The following ZBTB38 variants were observed in gnomAD, a reference collection of about 807,000 sequenced individuals.
The protein encoded by ZBTB38 is zinc finger and BTB domain containing 38.
ZBTB38 carries 20 observed loss-of-function variants against 76.8 expected under a neutral mutation model. That is an observed-to-expected ratio of 0.26 (90% CI 0.18 to 0.38). The LOEUF is 0.38. ZBTB38 is among the 10% of genes least tolerant of loss of function. ZBTB38 has a pLI of 1.00. For missense variants in ZBTB38, 1,082 were observed against 1,482.3 expected (o/e 0.73, Z 4.43); for synonymous variants, 504 against 544.2 (o/e 0.93, Z 1.03).
chr3:141,432,094 G>C, intron 5 of ZBTB38: 1 of 985,446 alleles, frequency 1.0e-6, no homozygotes, highest in Non-Finnish European at 1.2e-6. Flanking sequence ...AGATGTGTGT[G>C]GGATGGTACA....
At chr3:141,329,858 G>A (rs1180457478) in intron 1 of ZBTB38, among the ~76,000 whole-genome samples, 1 of 152,060 alleles carries the variant, frequency 6.6e-6, no homozygotes, top group Non-Finnish European at 1.5e-5. Flanking sequence ...GTGAGGCACG[G>A]TGGCTCACGC....
intron 4 of ZBTB38, among the ~76,000 whole-genome samples, chr3:141,395,137 G>A (rs1488397679): frequency 1.3e-5 from 2 of 152,184 alleles, no homozygotes; most frequent in Non-Finnish European, 2.9e-5. Flanking sequence ...CGTGAATCAG[G>A]CAGCACGCTA....
At chr3:141,367,120 T>C (rs1943999214), upstream of ZBTB38, 1 of 152,382 alleles carries the variant, frequency 6.6e-6, no homozygotes, top group African/African-American at 2.4e-5. Context: ...GTTCCAACTC[T>C]TTCTGAGTCT....
At chr3:141,430,184 G>C (rs895699932) in intron 5 of ZBTB38, among the ~76,000 whole-genome samples, 1 of 152,136 alleles carries the variant, frequency 6.6e-6, no homozygotes, top group African/African-American at 2.4e-5. Flanking sequence ...TCCTGCCTCA[G>C]CCTCCCGAGT....
At position 141,445,536 on chromosome 3, in the gene ZBTB38, C is replaced by G; in HGVS notation, c.3148C>G (p.Gln1050Glu). 1 of 1,614,172 alleles carries G rather than the reference C, an allele frequency of 6.2e-7. No individual in the cohort carries two copies. The highest frequency in any genetic ancestry group is 8.5e-7 in the Non-Finnish European group (1 of 1,180,028). ...CKTCGRCFSV[Q>E]GNLQKHERIH... ...GACCTGCGGACGGTGCTTTTCGGTG[C>G]AAGGAAACTTACAGAAACATGAACG... The change falls in exon 6 of 6, where the codon CAA becomes GAA. Residue 1050 changes from glutamine to glutamate, a missense_variant. Around this residue, in one of 8 missense-constraint regions of ZBTB38, gnomAD observed 69 missense variants for 148.2 expected, o/e 0.47. Transcript: ENST00000321464. The surrounding 1 kb of genome is among the most constrained non-coding windows in gnomAD (Gnocchi z 6.5).
chr3:141,349,570 C>T (rs528542598), intron 1 of ZBTB38, among the ~76,000 whole-genome samples: 3 of 151,800 alleles, frequency 2.0e-5, no homozygotes, highest in African/African-American at 2.4e-5. Flanking sequence ...GAATACAACA[C>T]GATACAAAAA....
chr3:141,421,603 G>A (rs1559949836), intron 5 of ZBTB38, among the ~76,000 whole-genome samples: 1 of 152,176 alleles, frequency 6.6e-6, no homozygotes, highest in East Asian at 1.9e-4. Flanking sequence ...GTATGGCAAA[G>A]GCTACAGTTG....
intron 1 of ZBTB38, among the ~76,000 whole-genome samples, chr3:141,353,964 G>A (rs1342442043): frequency 6.6e-6 from 1 of 152,112 alleles, no homozygotes; most frequent in Admixed American, 6.6e-5. Flanking sequence ...GCCACCTTAT[G>A]AAGTCAACAC....
At chr3:141,389,352 C>T (rs760667528) in intron 4 of ZBTB38, 5 of 151,540 alleles carry the variant, frequency 3.3e-5, no homozygotes, top group Non-Finnish European at 7.4e-5. Flanking sequence ...AAATATTTTG[C>T]TTGGAGTCTT....
chr3:141,338,234 A>G (rs1412204298), intron 1 of ZBTB38, among the ~76,000 whole-genome samples: 2 of 152,166 alleles, frequency 1.3e-5, no homozygotes, highest in Non-Finnish European at 2.9e-5. Flanking sequence ...CAGTTTGGTG[A>G]TTTCCCAGAG....
chr3:141,407,380 T>C (rs1017188838), intron 5 of ZBTB38, among the ~76,000 whole-genome samples: 1 of 152,222 alleles, frequency 6.6e-6, no homozygotes, highest in Non-Finnish European at 1.5e-5. Flanking sequence ...ATAACTCATA[T>C]AGGATTATTT....
At chr3:141,357,787 T>C (rs1943709270) in intron 1 of ZBTB38, among the ~76,000 whole-genome samples, 1 of 152,176 alleles carries the variant, frequency 6.6e-6, no homozygotes, top group Non-Finnish European at 1.5e-5. Context: ...CGCCTGGCTA[T>C]TTTTGTGGTC....
chr3:141,442,074 G>GA lies in ZBTB38; in HGVS notation c.1-301dup, dbSNP rs537247715. 0.12 allele frequency among the ~76,000 whole-genome samples: 15,039 copies of GA among 130,396 alleles called. 1,027 individuals carry two copies. Among genetic ancestry groups the GA allele is most frequent in the East Asian group, 0.3 (1,381 of 4,656 alleles). The allele number at this position is 130,396 out of a possible 152,430, so 85.5% of individuals were successfully genotyped here. On this transcript the variant is annotated intron_variant, in intron 5 of 5. Transcript: ENST00000321464. The surrounding 1 kb of genome is among the most constrained non-coding windows in gnomAD (Gnocchi z 6.4). ...TGATGATGAGACCCTTAACATTTCA[G>GA]AAAAAAAAAAAAAACCTCCTCCCCT...
At chr3:141,397,927 G>A (rs781754980) in intron 4 of ZBTB38, among the ~76,000 whole-genome samples, 1 of 152,158 alleles carries the variant, frequency 6.6e-6, no homozygotes, top group South Asian at 2.1e-4. Flanking sequence ...GAGACACAAA[G>A]TGAGCACATG....
chr3:141,341,122 A>G (rs889850305), intron 1 of ZBTB38, among the ~76,000 whole-genome samples: 6 of 152,202 alleles, frequency 3.9e-5, no homozygotes, highest in Non-Finnish European at 7.3e-5. Context: ...CACATCCTCT[A>G]TGATGGCTAT....
intron 1 of ZBTB38, among the ~76,000 whole-genome samples, chr3:141,357,894 T>C (rs1185116845): frequency 6.6e-6 from 1 of 152,216 alleles, no homozygotes; most frequent in African/African-American, 2.4e-5. Context: ...ACATTTTATA[T>C]GCATTGTAGA....
chr3:141,376,055 C>T (rs1183165581), intron 2 of ZBTB38, among the ~76,000 whole-genome samples: 1 of 152,160 alleles, frequency 6.6e-6, no homozygotes, highest in African/African-American at 2.4e-5. Context: ...ACTATTCATC[C>T]TGCCTGCATA....
At chr3:141,384,148 A>G (rs1022709980) in intron 3 of ZBTB38, among the ~76,000 whole-genome samples, 1 of 152,256 alleles carries the variant, frequency 6.6e-6, no homozygotes, top group Non-Finnish European at 1.5e-5. Flanking sequence ...GTCTTGGAAC[A>G]TCACAAAATA....
intron 2 of ZBTB38, among the ~76,000 whole-genome samples, chr3:141,379,526 G>A (rs1030404801): frequency 3.3e-5 from 5 of 152,196 alleles, no homozygotes; most frequent in African/African-American, 1.2e-4. Flanking sequence ...TGATGAGAGG[G>A]ACAGCGGTGC....
Sources: gnomAD v4.1 joint callset for allele counts (sites outside exome capture counted in the v4.1 genomes callset) on GRCh38, gnomAD v4.1.1 for gene constraint, gnomAD v4.1.1 regional missense constraint, Gnocchi (gnomAD v3.1) non-coding constraint, MANE v1.5 for transcripts, NCBI Gene and HGNC (gene_info 2026-07-23, HGNC 2026-07-21) for gene names.